SH3GL3: variants seen among roughly 807,000 people sequenced by gnomAD.
The protein encoded by SH3GL3 is endophilin-A3.
Under a neutral mutation model 47.7 loss-of-function variants are expected in SH3GL3, and 33 were observed. The ratio of observed to expected loss-of-function variants is 0.69; its 90% CI spans 0.52 to 0.92. The LOEUF (loss-of-function observed/expected upper bound fraction) is 0.92, where lower values mean the gene tolerates loss of function less well. Ranked by LOEUF, SH3GL3 falls within the 40% of genes least tolerant of loss-of-function variation. The pLI is 0.00. For synonymous variants in SH3GL3, 155 were observed against 148.8 expected, an observed-to-expected ratio of 1.04 and a Z score of -0.30; for missense variants, 363 against 417.8, an observed-to-expected ratio of 0.87 and a Z score of 1.14.
chr15:83,457,945 G>C (rs1226851472), intron 1 of SH3GL3, among the ~76,000 whole-genome samples: 1 of 152,038 alleles, frequency 6.6e-6, no homozygotes, highest in African/African-American at 2.4e-5. Flanking sequence ...TTGAAAGCAG[G>C]GATTTTTTTC....
chr15:83,531,844 G>T (rs1350018243), intron 1 of SH3GL3, among the ~76,000 whole-genome samples: 1 of 151,256 alleles, frequency 6.6e-6, no homozygotes, highest in Non-Finnish European at 1.5e-5. Flanking sequence ...GTGTCTGAGA[G>T]AGAGAGAGAC....
rs1435759062 is a variant in SH3GL3, at chr15:83,447,763, TCTC to T, written c.45+188_45+190del. Among the ~76,000 whole-genome samples the T allele has an allele frequency of 2.6e-5, 4 of 152,212 alleles. No individual in the cohort carries two copies. Among genetic ancestry groups the T allele is most frequent in the Admixed American group, 2.6e-4 (4 of 15,284 alleles). ...CTCTCTCCTCGGCGTCTTGGCGCCT[TCTC>T]CTTCCCATTCCCTGGCCCCCGGCTC... On this transcript the variant is annotated intron_variant, in intron 1 of 8. Transcript: ENST00000427482. This position sits in a 1 kb window ranked among gnomAD's most constrained non-coding sequence, Gnocchi z 5.1.
At position 83,559,253 on chromosome 15, in the gene SH3GL3, C is replaced by T; in HGVS notation, c.46C>T (p.Leu16=). Residue 16 remains leucine (L), a splice_region_variant and synonymous_variant, in exon 2 of 9, where the codon CTA becomes TTA. Transcript: ENST00000427482. ...CAATTATTTATGTTTATTTCTGCAG[C>T]TATTTAGTGAAAAAATAAGTGGTGC... ...LKKQFHKASQ[L]FSEKISGAEG... is the part of the protein sequence containing the mutation. 6.6e-7 allele frequency: 1 copy of T among 1,520,080 alleles called. No homozygotes were observed. Among genetic ancestry groups the T allele is most frequent in the Non-Finnish European group, 9.1e-7 (1 of 1,094,308 alleles). 94.2% of individuals were successfully genotyped at this position (1,520,080 alleles called of 1,614,324 possible).
intron 8 of SH3GL3, among the ~76,000 whole-genome samples, chr15:83,589,363 A>AT (rs1352245209): frequency 6.6e-6 from 1 of 151,868 alleles, no homozygotes; most frequent in Non-Finnish European, 1.5e-5. Flanking sequence ...AGCGTTTTGG[A>AT]TTTTTTTCTG....
At chr15:83,479,791 G>T (rs1187390882) in intron 1 of SH3GL3, among the ~76,000 whole-genome samples, 1 of 152,122 alleles carries the variant, frequency 6.6e-6, no homozygotes, top group African/African-American at 2.4e-5. Context: ...CCTGTCTAAG[G>T]TGGAAGGCTG....
At chr15:83,572,877 C>A (rs1439881140) in intron 5 of SH3GL3, among the ~76,000 whole-genome samples, 179 bp downstream of exon 5, 1 of 151,658 alleles carries the variant, frequency 6.6e-6, no homozygotes, top group Non-Finnish European at 1.5e-5. Flanking sequence ...TCCATTAGTC[C>A]TATCTGCCCT....
intron 8 of SH3GL3, among the ~76,000 whole-genome samples, chr15:83,606,760 G>A (rs2060525669): frequency 6.6e-6 from 1 of 152,194 alleles, no homozygotes; most frequent in Admixed American, 6.5e-5. Flanking sequence ...AGACCGATTT[G>A]AACTTGTTCC....
intron 1 of SH3GL3, among the ~76,000 whole-genome samples, chr15:83,541,310 C>CAATTTTTTTTTTTTTTTTTT (rs1567318555): frequency 2.1e-5 from 1 of 47,748 alleles, no homozygotes; most frequent in African/African-American, 6.5e-5. Flanking sequence ...TATGGTAATT[C>CAATTTTTTTTTTTTTTTTTT]TATTTTTTTT....
At chr15:83,540,988 A>G (rs755241439) in intron 1 of SH3GL3, among the ~76,000 whole-genome samples, 1 of 152,130 alleles carries the variant, frequency 6.6e-6, no homozygotes, top group African/African-American at 2.4e-5. Flanking sequence ...CTCTGTCTTC[A>G]TGAGTTCAAT....
intron 1 of SH3GL3, among the ~76,000 whole-genome samples, chr15:83,483,257 G>C (rs147579536): frequency 2.0e-5 from 3 of 152,150 alleles, no homozygotes; most frequent in Non-Finnish European, 2.9e-5. Flanking sequence ...AAGGAAGGTT[G>C]CAAATGGAGG....
At chr15:83,533,906 T>C (rs1307233913) in intron 1 of SH3GL3, among the ~76,000 whole-genome samples, 1 of 152,200 alleles carries the variant, frequency 6.6e-6, no homozygotes, top group East Asian at 1.9e-4. Context: ...ACTCATGCAA[T>C]GTACGTTTTT....
At chr15:83,585,349 C>T (rs1329213562) in intron 6 of SH3GL3, among the ~76,000 whole-genome samples, 1 of 152,170 alleles carries the variant, frequency 6.6e-6, no homozygotes, top group African/African-American at 2.4e-5. Context: ...ATCCCCTTGC[C>T]CCCTTCCTGT....
chr15:83,567,817 G>A (rs2045624187), intron 3 of SH3GL3, among the ~76,000 whole-genome samples: 1 of 152,142 alleles, frequency 6.6e-6, no homozygotes, highest in South Asian at 2.1e-4. Context: ...CAAACAAAAA[G>A]CATGTCAGTG....
chr15:83,510,028 C>T (rs1304118011), intron 1 of SH3GL3, among the ~76,000 whole-genome samples: 1 of 152,100 alleles, frequency 6.6e-6, no homozygotes, highest in Non-Finnish European at 1.5e-5. Flanking sequence ...TGTATGTGTT[C>T]ACCCATCAAT....
chr15:83,472,109 C>T (rs2040858452), intron 1 of SH3GL3, among the ~76,000 whole-genome samples: 1 of 152,242 alleles, frequency 6.6e-6, no homozygotes, highest in African/African-American at 2.4e-5. Context: ...ATCTCGAACT[C>T]CTGACCTCAG....
intron 8 of SH3GL3, 137 bp downstream of exon 8, chr15:83,588,908 T>C (rs2060020414): frequency 1.6e-6 from 1 of 616,798 alleles, no homozygotes. Flanking sequence ...TAAATTCCCT[T>C]TTCCCCTAAA....
chr15:83,533,047 G>A (rs2151681061), intron 1 of SH3GL3, among the ~76,000 whole-genome samples: 1 of 152,310 alleles, frequency 6.6e-6, no homozygotes, highest in Non-Finnish European at 1.5e-5. Flanking sequence ...CAAAATTTGG[G>A]TTCTGTTAGT....
intron 1 of SH3GL3, among the ~76,000 whole-genome samples, chr15:83,522,774 T>A (rs947159933): frequency 1.3e-5 from 2 of 152,214 alleles, no homozygotes; most frequent in Admixed American, 1.3e-4. Context: ...CTTTTTCTGA[T>A]CCAAATATCC....
chr15:83,477,059 A>G (rs985916430), intron 1 of SH3GL3, among the ~76,000 whole-genome samples: 2 of 152,194 alleles, frequency 1.3e-5, no homozygotes, highest in African/African-American at 4.8e-5. Context: ...ACCTCTGCTA[A>G]TGCCTTACTT....
Sources: gnomAD v4.1 joint callset for allele counts (sites outside exome capture counted in the v4.1 genomes callset) on GRCh38, gnomAD v4.1.1 for gene constraint, Gnocchi (gnomAD v3.1) non-coding constraint, MANE v1.5 for transcripts, NCBI Gene and HGNC (gene_info 2026-07-23, HGNC 2026-07-21) for gene names.